Variants in PITRM1 observed in about 807,000 individuals in gnomAD.
PITRM1 encodes the protein pitrilysin metallopeptidase 1, also known as presequence protease, mitochondrial.
Under a neutral mutation model 129.9 loss-of-function variants are expected in PITRM1, and 100 were observed. That is an observed-to-expected ratio of 0.77 (90% CI 0.65 to 0.91). The LOEUF (loss-of-function observed/expected upper bound fraction) is 0.91. Ranked by LOEUF, PITRM1 falls within the 40% of genes least tolerant of loss-of-function variation. PITRM1 has a pLI of 0.00. For synonymous variants in PITRM1, 591 were observed against 508.8 expected (o/e 1.16, Z -2.17); for missense variants, 1,471 against 1,318.3 (o/e 1.12, Z -1.79).
Position 3,170,219 on chromosome 10 carries a change from T to C in PITRM1, c.57-13A>G, listed in dbSNP as rs1474124356. On this transcript the variant is annotated splice_polypyrimidine_tract_variant and intron_variant, in intron 1 of 26. Transcript: ENST00000224949. ...GTGGTGTGCATGTCTAGATTAAAAG[T>C]CATCTAAGTTAGATGAGTTGCAGGA... is the stretch of plus-strand genomic sequence containing the variant. 1.9e-6 allele frequency: 3 copies of C among 1,604,932 alleles called. No homozygotes were observed. Among genetic ancestry groups the C allele is most frequent in the East Asian group, 4.5e-5 (2 of 44,836 alleles).
At chr10:3,167,120 A>G (rs1842929110) in intron 2 of PITRM1, 78 bp from the exon 3 acceptor site, 7 of 802,216 alleles carry the variant, frequency 8.7e-6, no homozygotes, top group African/African-American at 1.7e-5. Flanking sequence ...ACACACTGAG[A>G]AAACTGGCTT....
chr10:3,159,045 G>T lies in PITRM1; in HGVS notation c.1008-3C>A. 1 of 1,601,186 alleles carries T rather than the reference G, an allele frequency of 6.2e-7. No homozygotes were observed. The highest frequency in any genetic ancestry group is 8.5e-7 in the Non-Finnish European group (1 of 1,175,594). The stretch of plus-strand genomic sequence containing the variant: ...AGGCTTCAAATGTGTCGGTGATGCT[G>T]CATTGAAAAAAAAAGGAACGGGGAG... On this transcript the variant is annotated splice_region_variant and splice_polypyrimidine_tract_variant and intron_variant, in intron 9 of 26. Coordinates refer to ENST00000224949, the MANE Select transcript of PITRM1 (RefSeq NM_014889.4).
chr10:3,170,962 A>G (rs995326254), intron 1 of PITRM1, among the ~76,000 whole-genome samples: 1 of 151,730 alleles, frequency 6.6e-6, no homozygotes, highest in South Asian at 2.1e-4. Flanking sequence ...GACTGTCGGA[A>G]AAAAAAGAAA....
In PITRM1 at chr10:3,143,637, G is replaced by A. The variant is rs547520263; in HGVS notation, c.2533-136C>T. The A allele has an allele frequency of 6.3e-4, 453 of 724,006 alleles. 2 individuals are homozygous for A. Among genetic ancestry groups the A allele is most frequent in the South Asian group, 5.0e-3 (334 of 67,290 alleles). The allele number at this position is 724,006 out of a possible 1,614,324, so 44.8% of individuals were successfully genotyped here. On this transcript the variant is annotated intron_variant, in intron 22 of 26. Coordinates refer to ENST00000224949, the MANE Select transcript of PITRM1 (RefSeq NM_014889.4). ...CGGCACTGGGACTGGAGCCATCTCA[G>A]GGGTCCCATCTCCGTGACACTCTGC... is the stretch of plus-strand genomic sequence containing the variant.
chr10:3,138,165 G>T, intron 26 of PITRM1, 41 bp from the exon 27 acceptor site: 1 of 1,569,822 alleles, frequency 6.4e-7, no homozygotes, highest in Non-Finnish European at 8.8e-7. Flanking sequence ...ACTGGCTTCT[G>T]CGTGAGCGCT....
intron 6 of PITRM1, among the ~76,000 whole-genome samples, chr10:3,164,544 T>C (rs1031836764): frequency 6.6e-6 from 1 of 152,182 alleles, no homozygotes; most frequent in Non-Finnish European, 1.5e-5. Context: ...AGGACATAAA[T>C]AACTCCCACA....
intron 14 of PITRM1, among the ~76,000 whole-genome samples, chr10:3,153,884 T>C (rs1158681283): frequency 6.6e-6 from 1 of 152,214 alleles, no homozygotes; most frequent in East Asian, 1.9e-4. Flanking sequence ...ATGTGTTGCA[T>C]CTATTTTTAA....
chr10:3,159,075 G>A, intron 9 of PITRM1, 33 bp from the exon 10 acceptor site: 1 of 1,582,618 alleles, frequency 6.3e-7, no homozygotes. Context: ...GGGGAGGTAA[G>A]AAAAGAGTAA....
chr10:3,157,796 G>A (rs918371563), intron 11 of PITRM1, among the ~76,000 whole-genome samples: 1 of 152,204 alleles, frequency 6.6e-6, no homozygotes, highest in Admixed American at 6.5e-5. Flanking sequence ...CTGAGATCAC[G>A]CCACTGCACA....
chr10:3,165,087 G>A (rs1365674677), intron 6 of PITRM1, 151 bp downstream of exon 6: 40 of 667,246 alleles, frequency 6.0e-5, no homozygotes, highest in South Asian at 5.4e-4. Context: ...CTGCTACCCC[G>A]ACTTCTGCTC....
intron 7 of PITRM1, 150 bp from the exon 8 acceptor site, chr10:3,160,480 A>G: frequency 4.8e-6 from 3 of 629,392 alleles, no homozygotes; most frequent in Non-Finnish European, 8.4e-6. Flanking sequence ...CCAAGGTCCA[A>G]AAATATCACG....
rs181516310 is a variant in PITRM1, at chr10:3,161,030, G to A, written c.792-700C>T. Among the ~76,000 whole-genome samples the A allele has an allele frequency of 2.8e-3, 420 of 152,214 alleles. 6 individuals carry two copies. The highest frequency in any genetic ancestry group is 6.2e-4 in the Non-Finnish European group (42 of 68,024). The stretch of plus-strand genomic sequence containing the variant: ...CCCGTCTCAGCCTCCCAAAGTGCTG[G>A]AATTACAGGCGTGAGCCACCGTGCC... On this transcript the variant is annotated intron_variant, in intron 7 of 26. Transcript: ENST00000224949.
chr10:3,151,274 C>T lies in PITRM1; in HGVS notation c.1711G>A (p.Val571Ile), dbSNP rs780199006. 4 of 1,607,080 alleles carry T rather than the reference C, an allele frequency of 2.5e-6. No homozygotes were observed. The highest frequency in any genetic ancestry group is 3.4e-6 in the Non-Finnish European group (4 of 1,176,022). The change falls in exon 15 of 27, where the codon GTC (valine) becomes ATC (isoleucine). Residue 571 changes from valine (V) to isoleucine (I), a missense_variant. Coordinates refer to ENST00000224949, the MANE Select transcript of PITRM1 (RefSeq NM_014889.4). ...KVSDIEPTIP[V>I]TELDVVLTAG... is the part of the protein sequence containing the mutation. The stretch of plus-strand genomic sequence containing the variant: ...GTCAGGACCACGTCCAACTCTGTGA[C>T]AGGTATGGTGGGTTCAATATCGGAA...
intron 3 of PITRM1, 88 bp from the exon 4 acceptor site, chr10:3,166,468 G>C (rs1842877756): frequency 2.7e-6 from 2 of 733,728 alleles, no homozygotes; most frequent in African/African-American, 3.6e-5. Context: ...CAGGCTACTA[G>C]AAATCATCAT....
rs537710459 is a variant in PITRM1, at chr10:3,138,816, T to C, written c.2917+88A>G. 1.2e-4 allele frequency: 153 copies of C among 1,256,456 alleles called. 2 individuals carry two copies. The South Asian group carries it at 1.8e-3, about 15-fold the overall frequency. 77.8% of individuals were successfully genotyped at this position (1,256,456 alleles called of 1,614,324 possible). A position where few individuals can be genotyped will look rare whatever the true frequency, so the allele number is the denominator to read the frequency against. On this transcript the variant is annotated intron_variant, in intron 25 of 26. Coordinates refer to ENST00000224949, the MANE Select transcript of PITRM1 (RefSeq NM_014889.4). ...GGATGGAGGCACCAGAAGCTAGTGC[T>C]CCTGCCCATGCATGCCGGGAACTTG...
chr10:3,139,315 C>G (rs1290394727), intron 24 of PITRM1, among the ~76,000 whole-genome samples: 1 of 152,232 alleles, frequency 6.6e-6, no homozygotes, highest in Non-Finnish European at 1.5e-5. Flanking sequence ...ATACACTTCT[C>G]TGTGACCTCA....
chr10:3,142,087 G>A (rs1307573076), intron 23 of PITRM1, among the ~76,000 whole-genome samples: 1 of 152,170 alleles, frequency 6.6e-6, no homozygotes, highest in Admixed American at 6.5e-5. Context: ...CACTGCCCAG[G>A]GGGAACCTCC....
At chr10:3,146,266 C>G (rs1351301888) in intron 20 of PITRM1, 1 of 153,860 alleles carries the variant, frequency 6.5e-6, no homozygotes, top group Non-Finnish European at 1.4e-5. Flanking sequence ...TTCCTTTCAG[C>G]TGTAAATCCT....
At chr10:3,138,678 G>A (rs937609880) in intron 25 of PITRM1, 25 of 657,228 alleles carry the variant, frequency 3.8e-5, no homozygotes, top group Non-Finnish European at 6.7e-5. Context: ...ACTGCCATGG[G>A]TTGGCCCCAC....
Sources: allele counts gnomAD v4.1 joint callset (sites outside exome capture counted in the v4.1 genomes callset), GRCh38; gene constraint gnomAD v4.1.1; transcripts MANE v1.5; gene names NCBI Gene and HGNC (gene_info 2026-07-23, HGNC 2026-07-21).